The following MYO1F variants were observed in gnomAD, a reference collection of about 807,000 sequenced individuals.
MYO1F encodes unconventional myosin-If.
In MYO1F, 60 loss-of-function variants were observed where a neutral mutation model predicts 146.6. The observed-to-expected ratio is 0.41, with a 90% CI of 0.33 to 0.51. The LOEUF is 0.51. Ranked by LOEUF, MYO1F falls within the 20% of genes least tolerant of loss-of-function variation. The probability of loss-of-function intolerance (pLI) is 0.25; values close to 1 mark genes in which losing one functional copy is unlikely to be tolerated. For missense variants in MYO1F, 1,274 were observed against 1,534.3 expected (o/e 0.83, Z 2.83); for synonymous variants, 602 against 602.1 (o/e 1.00, Z 0.00).
chr19:8,555,335 A>C (rs933878638), intron 2 of MYO1F: 13 of 295,618 alleles, frequency 4.4e-5, no homozygotes, highest in African/African-American at 2.7e-4. Flanking sequence ...GTGCCACTAC[A>C]CTCCAGCCTG....
chr19:8,549,552 G>T (rs1973515528), intron 10 of MYO1F: 1 of 152,266 alleles, frequency 6.6e-6, no homozygotes, highest in Non-Finnish European at 1.5e-5. Flanking sequence ...TCTCTCTGTT[G>T]CCCAGGCTGG....
At chr19:8,565,313 C>G (rs929576553) in intron 1 of MYO1F, among the ~76,000 whole-genome samples, 1 of 151,716 alleles carries the variant, frequency 6.6e-6, no homozygotes, top group African/African-American at 2.4e-5. Flanking sequence ...GAGGTTGACT[C>G]GGGCAGATCA....
At chr19:8,565,630 C>T (rs946840622) in intron 1 of MYO1F, among the ~76,000 whole-genome samples, 10 of 151,946 alleles carry the variant, frequency 6.6e-5, no homozygotes, top group African/African-American at 4.8e-5. Context: ...GGAGCAGGGT[C>T]GTGAGTGGTG....
Position 8,555,794 on chromosome 19 carries a change from G to T in MYO1F, c.6C>A (p.Gly2=). 6.2e-7 allele frequency: 1 copy of T among 1,611,912 alleles called. No individual in the cohort carries two copies. Among genetic ancestry groups the T allele is most frequent in the Non-Finnish European group, 8.5e-7 (1 of 1,179,174 alleles). M[G]SKERFHWQSH... ...TCTGCCAGTGGAAGCGCTCCTTGCT[G>T]CCCTGGGGGGTGAGAGGGGGGTCGG... The change falls in exon 2 of 28, where the codon GGC becomes GGA. Residue 2 remains glycine (G), a splice_region_variant and synonymous_variant. Transcript: ENST00000644032.
intron 19 of MYO1F, among the ~76,000 whole-genome samples, chr19:8,535,781 G>C (rs1972680021): frequency 6.6e-6 from 1 of 151,870 alleles, no homozygotes; most frequent in Non-Finnish European, 1.5e-5. Flanking sequence ...CTGGGTTCAA[G>C]CCATTCTTCT....
chr19:8,569,013 G>A (rs1439139128), intron 1 of MYO1F, among the ~76,000 whole-genome samples: 2 of 152,080 alleles, frequency 1.3e-5, no homozygotes, highest in East Asian at 1.9e-4. Context: ...AAAATGCGCC[G>A]AGATGCCTCA....
In MYO1F at chr19:8,526,542, A is replaced by G; in HGVS notation, c.2681T>C (p.Phe894Ser). The change falls in exon 24 of 28, where the codon TTC (phenylalanine) becomes TCC (serine). Residue 894 changes from phenylalanine (F) to serine (S), a missense_variant. Phe to Ser is a radical substitution (Grantham distance 155). Transcript: ENST00000644032. ...TGCCAAGTCGCCGAAGCCGCGGGAGAAGGTGACGCTGCGGGTGCCGCCACC... is the reference window on the plus strand; with the variant it reads ...TGCCAAGTCGCCGAAGCCGCGGGAGGAGGTGACGCTGCGGGTGCCGCCACC... ...WGGGGTRSVT[F>S]SRGFGDLAVL... 6.3e-7 allele frequency: 1 copy of G among 1,594,676 alleles called. No individual in the cohort carries two copies. The highest frequency in any genetic ancestry group is 8.5e-7 in the Non-Finnish European group (1 of 1,172,868).
intron 1 of MYO1F, among the ~76,000 whole-genome samples, chr19:8,560,353 T>TA (rs1974035809): frequency 6.7e-6 from 1 of 149,274 alleles, no homozygotes; most frequent in Non-Finnish European, 1.5e-5. Flanking sequence ...GGTGTGGGGG[T>TA]GCGCGCCTGT....
rs548944592 is a variant in MYO1F at position 8,555,600 on chromosome 19, C to T, written c.141+59G>A. On this transcript the variant is annotated intron_variant, in intron 2 of 27. Transcript: ENST00000644032. ...CTGCTCCTTCACCCTCCTCTCCGTCCATGGCCCAGCCATTCATTCCTTCCC... is the reference window on the plus strand; with the variant it reads ...CTGCTCCTTCACCCTCCTCTCCGTCTATGGCCCAGCCATTCATTCCTTCCC... 5.4e-4 allele frequency: 868 copies of T among 1,611,458 alleles called. 9 individuals carry two copies. The South Asian group carries it at 8.8e-3, about 16-fold the overall frequency.
intron 19 of MYO1F, among the ~76,000 whole-genome samples, chr19:8,532,406 C>G (rs1056012415): frequency 6.6e-6 from 1 of 152,122 alleles, no homozygotes; most frequent in African/African-American, 2.4e-5. Context: ...GTAATAACAG[C>G]AGGTGAACAA....
chr19:8,545,608 G>C, intron 13 of MYO1F, 42 bp downstream of exon 13: 1 of 1,512,896 alleles, frequency 6.6e-7, no homozygotes, highest in Non-Finnish European at 9.2e-7. Flanking sequence ...TCAGCTCAGG[G>C]GACCAGTGAG....
chr19:8,546,623 T>C (rs1277695728), intron 12 of MYO1F, among the ~76,000 whole-genome samples: 12 of 152,054 alleles, frequency 7.9e-5, no homozygotes, highest in Non-Finnish European at 8.8e-5. Context: ...GCCTCCTAGA[T>C]AGCTGGGACT....
At chr19:8,540,892 A>G (rs1051914942) in intron 15 of MYO1F, among the ~76,000 whole-genome samples, 1 of 152,122 alleles carries the variant, frequency 6.6e-6, no homozygotes, top group East Asian at 1.9e-4. Context: ...AGATCAGGTT[A>G]GGTTCCGATA....
At position 8,543,858 on chromosome 19, in the gene MYO1F, CTGG is replaced by C. The variant is rs1463490776; in HGVS notation, c.1524+436_1524+438del. 2.5e-3 allele frequency among the ~76,000 whole-genome samples: 27 copies of C among 10,728 alleles called. 3 individuals are homozygous for C. The highest frequency in any genetic ancestry group is 0.017 in the African/African-American group (25 of 1,476). 7.0% of individuals were successfully genotyped at this position (10,728 alleles called of 152,430 possible). On this transcript the variant is annotated intron_variant, in intron 14 of 27. Coordinates refer to ENST00000644032, the MANE Select transcript of MYO1F (RefSeq NM_012335.4). Reference sequence around the variant, plus strand: ...GGTGGTGGTGGTGGTGGTGGTGGTGCTGGTGGTGCTGGTGGTGCTGGTGGTGGT... The same window carrying C: ...GGTGGTGGTGGTGGTGGTGGTGGTGCTGGTGCTGGTGGTGCTGGTGGTGGT...
Position 8,530,729 on chromosome 19 carries a change from A to C in MYO1F, c.2044-156T>G, listed in dbSNP as rs1972453587. On this transcript the variant is annotated intron_variant, in intron 19 of 27. Coordinates refer to ENST00000644032, the MANE Select transcript of MYO1F (RefSeq NM_012335.4). The surrounding 1 kb of genome is among the most constrained non-coding windows in gnomAD (Gnocchi z 5.8). ...TAAGAGGCGGGGTCTTTCTAGTGACACTCGTTCATAAAGAAAAGAAGAAAA... is the reference window on the plus strand; with the variant it reads ...TAAGAGGCGGGGTCTTTCTAGTGACCCTCGTTCATAAAGAAAAGAAGAAAA... Among the ~76,000 whole-genome samples, 1 of 151,894 alleles carries C rather than the reference A, an allele frequency of 6.6e-6. No individual in the cohort carries two copies. The highest frequency in any genetic ancestry group is 2.1e-4 in the South Asian group (1 of 4,822).
chr19:8,563,797 C>T (rs35644247), intron 1 of MYO1F, among the ~76,000 whole-genome samples: 6 of 151,952 alleles, frequency 3.9e-5, no homozygotes, highest in Non-Finnish European at 7.4e-5. Context: ...CAGGGGTGAG[C>T]CACCGCGCCT....
intron 1 of MYO1F, among the ~76,000 whole-genome samples, chr19:8,567,795 C>G (rs1366513882): frequency 2.6e-5 from 4 of 152,238 alleles, no homozygotes; most frequent in South Asian, 2.1e-4. Flanking sequence ...TCAGAGATCG[C>G]CGGGGTTGCT....
intron 1 of MYO1F, among the ~76,000 whole-genome samples, chr19:8,560,833 T>G (rs1479299039): frequency 1.1e-4 from 16 of 151,138 alleles, no homozygotes; most frequent in South Asian, 2.1e-4. Flanking sequence ...CTGTCTCCTG[T>G]GTTCACGCCA....
intron 1 of MYO1F, among the ~76,000 whole-genome samples, chr19:8,574,576 T>TC (rs1568380887): frequency 2.5e-4 from 22 of 87,560 alleles, no homozygotes; most frequent in East Asian, 1.6e-3. Context: ...TCTTTCTTTC[T>TC]TTCTCTCTCT....
Sources: gnomAD v4.1 joint callset for allele counts (sites outside exome capture counted in the v4.1 genomes callset) on GRCh38, gnomAD v4.1.1 for gene constraint, Gnocchi (gnomAD v3.1) non-coding constraint, MANE v1.5 for transcripts, NCBI Gene and HGNC (gene_info 2026-07-23, HGNC 2026-07-21) for gene names.